CDH6: variants seen among roughly 807,000 people sequenced by gnomAD.
The protein encoded by CDH6 is cadherin-6.
In CDH6, 31 loss-of-function variants were observed where a neutral mutation model predicts 78.0. The ratio of observed to expected loss-of-function variants is 0.40; its 90% CI spans 0.30 to 0.54. CDH6 has a LOEUF of 0.54. Ranked by LOEUF, CDH6 falls within the 20% of genes least tolerant of loss-of-function variation. The pLI is 0.56. For missense variants in CDH6, 724 were observed against 975.9 expected, an observed-to-expected ratio of 0.74 and a Z score of 3.44; for synonymous variants, 376 against 368.8, an observed-to-expected ratio of 1.02 and a Z score of -0.23.
At chr5:31,300,891 G>A (rs1737747689) in intron 5 of CDH6, among the ~76,000 whole-genome samples, 2 of 152,174 alleles carry the variant, frequency 1.3e-5, no homozygotes, top group South Asian at 4.1e-4. Context: ...GAGGCTGAGG[G>A]AGGAAGACTG....
chr5:31,313,463 T>G lies in CDH6; in HGVS notation c.1390+9T>G. 6.2e-7 allele frequency: 1 copy of G among 1,611,898 alleles called. No homozygotes were observed. ...GATAGCAACAGAGATCAGTAAGTCC[T>G]ACCTAATACCGCTGCTGTCCCCTAT... On this transcript the variant is annotated intron_variant, in intron 8 of 11. Transcript: ENST00000265071.
chr5:31,261,051 T>C (rs1472584090), intron 1 of CDH6, among the ~76,000 whole-genome samples: 1 of 152,218 alleles, frequency 6.6e-6, no homozygotes, highest in African/African-American at 2.4e-5. Flanking sequence ...GCAAGCTTAA[T>C]TGGCTGTAAA....
chr5:31,267,406 G>T lies in CDH6; in HGVS notation c.-68G>T. ...AGGAAGGAGGAATGAGGCTGGATACGGTGCAGTGAAAAAGGCACTTCCAAG... is the reference window on the plus strand; with the variant it reads ...AGGAAGGAGGAATGAGGCTGGATACTGTGCAGTGAAAAAGGCACTTCCAAG... On this transcript the variant is annotated 5_prime_UTR_variant, in exon 2 of 12. Coordinates refer to ENST00000265071, the MANE Select transcript of CDH6 (RefSeq NM_004932.4). 4 of 1,061,556 alleles carry T rather than the reference G, an allele frequency of 3.8e-6. No individual in the cohort carries two copies. The South Asian group carries it at 3.8e-5, about 10-fold the overall frequency. The allele number at this position is 1,061,556 out of a possible 1,614,324, so 65.8% of individuals were successfully genotyped here. A position where few individuals can be genotyped will look rare whatever the true frequency, so the allele number is the denominator to read the frequency against.
chr5:31,200,829 G>A (rs7716554), intron 1 of CDH6, among the ~76,000 whole-genome samples: 113,927 of 151,932 alleles, frequency 0.75, 42,796 homozygotes, highest in Middle Eastern at 0.9. Context: ...TTCTATTGCC[G>A]CCATTCAAAA....
chr5:31,270,319 CAACTT>C lies in CDH6; in HGVS notation c.228+2621_228+2625del, dbSNP rs367968230. 3.1e-3 allele frequency among the ~76,000 whole-genome samples: 467 copies of C among 152,272 alleles called. 2 individuals are homozygous for C. Among genetic ancestry groups the C allele is most frequent in the African/African-American group, 0.011 (439 of 41,544 alleles). The stretch of plus-strand genomic sequence containing the variant: ...CATGTATTAAATAGTTAGACTCAAA[CAACTT>C]AATAAGAATTTTTGTTCTAACAACT... On this transcript the variant is annotated intron_variant, in intron 2 of 11. Coordinates refer to ENST00000265071, the MANE Select transcript of CDH6 (RefSeq NM_004932.4).
At chr5:31,220,121 T>G (rs1056700291) in intron 1 of CDH6, among the ~76,000 whole-genome samples, 1 of 152,214 alleles carries the variant, frequency 6.6e-6, no homozygotes, top group African/African-American at 2.4e-5. Flanking sequence ...AAACAGTTCT[T>G]TATATTTTTC....
rs1205178486 is a variant in CDH6 at position 31,326,584 on chromosome 5, G to A, written c.*3276G>A. ...CAATGAAATTACTCCCTTTTCAGAT[G>A]GAACAAAACCTGCCCATTTAATTTT... is the stretch of plus-strand genomic sequence containing the variant. On this transcript the variant is annotated 3_prime_UTR_variant, in exon 12 of 12. Transcript: ENST00000265071. The A allele has an allele frequency of 1.1e-5, 2 of 185,546 alleles. No individual in the cohort carries two copies. Among genetic ancestry groups the A allele is most frequent in the East Asian group, 8.7e-5 (1 of 11,536 alleles). 11.5% of individuals were successfully genotyped at this position (185,546 alleles called of 1,614,324 possible).
At chr5:31,238,625 A>G (rs931280740) in intron 1 of CDH6, among the ~76,000 whole-genome samples, 2 of 152,260 alleles carry the variant, frequency 1.3e-5, no homozygotes, top group South Asian at 2.1e-4. Flanking sequence ...CATAAGTTTT[A>G]AAGTAAAAAT....
chr5:31,239,055 C>T (rs1415908369), intron 1 of CDH6, among the ~76,000 whole-genome samples: 1 of 152,202 alleles, frequency 6.6e-6, no homozygotes, highest in African/African-American at 2.4e-5. Context: ...CTGGTTAGGG[C>T]ATCTATTTCA....
intron 1 of CDH6, among the ~76,000 whole-genome samples, chr5:31,210,076 T>TTGTGTGTGTGTGTGTG (rs60543109): frequency 0.014 from 2,102 of 146,536 alleles, 33 homozygotes; most frequent in Middle Eastern, 0.039. Context: ...TTTTCTTAAA[T>TTGTGTGTGTGTGTGTG]TGTGTGTGTG....
intron 1 of CDH6, among the ~76,000 whole-genome samples, chr5:31,204,355 G>A (rs1740454630): frequency 6.6e-6 from 1 of 152,180 alleles, no homozygotes; most frequent in South Asian, 2.1e-4. Context: ...GTGCTTAGTG[G>A]TTATCTGAAT....
chr5:31,210,321 A>G (rs895813922), intron 1 of CDH6, among the ~76,000 whole-genome samples: 6 of 152,010 alleles, frequency 3.9e-5, no homozygotes, highest in African/African-American at 1.4e-4. Flanking sequence ...TCGAGTTAAC[A>G]TGGTGAAACC....
At chr5:31,302,958 G>GAAAGAAA (rs1561066578) in intron 6 of CDH6, among the ~76,000 whole-genome samples, 272 of 106,102 alleles carry the variant, frequency 2.6e-3, no homozygotes, top group South Asian at 0.012. Flanking sequence ...AAAGAAAGAA[G>GAAAGAAA]GAAAGAAAAG....
At chr5:31,303,865 A>C (rs1324347556) in intron 6 of CDH6, among the ~76,000 whole-genome samples, 1 of 152,218 alleles carries the variant, frequency 6.6e-6, no homozygotes, top group African/African-American at 2.4e-5. Context: ...ATAATTAGGA[A>C]GCCCATTAGT....
intron 1 of CDH6, among the ~76,000 whole-genome samples, chr5:31,203,758 T>C (rs977844244): frequency 6.6e-6 from 1 of 151,758 alleles, no homozygotes. Context: ...TTTGGGTATA[T>C]ACCCAGTAAT....
At chr5:31,283,309 A>G (rs1742912270) in intron 2 of CDH6, among the ~76,000 whole-genome samples, 1 of 152,222 alleles carries the variant, frequency 6.6e-6, no homozygotes, top group Admixed American at 6.5e-5. Context: ...GGTACAGAGT[A>G]AGCTTTTAAT....
chr5:31,312,986 T>C (rs188378534), intron 7 of CDH6, among the ~76,000 whole-genome samples: 44 of 151,012 alleles, frequency 2.9e-4, no homozygotes, highest in African/African-American at 1.0e-3. Flanking sequence ...AGTTCTCAGG[T>C]TGTAAAAACT....
At chr5:31,320,859 C>G (rs1170585144) in intron 11 of CDH6, among the ~76,000 whole-genome samples, 2 of 151,778 alleles carry the variant, frequency 1.3e-5, no homozygotes, top group Admixed American at 1.3e-4. Context: ...GGTGCCTGTA[C>G]TCCCAGCTAC....
At chr5:31,240,358 G>A (rs1043466680) in intron 1 of CDH6, among the ~76,000 whole-genome samples, 2 of 152,084 alleles carry the variant, frequency 1.3e-5, no homozygotes, top group African/African-American at 4.8e-5. Context: ...TCAATTTGCG[G>A]GATTAAGAGG....
Sources: allele counts gnomAD v4.1 joint callset (sites outside exome capture counted in the v4.1 genomes callset), GRCh38; gene constraint gnomAD v4.1.1; transcripts MANE v1.5; gene names NCBI Gene and HGNC (gene_info 2026-07-23, HGNC 2026-07-21).